Variants in ANKS1B observed in about 807,000 individuals in gnomAD.
ANKS1B encodes the protein ankyrin repeat and sterile alpha motif domain-containing protein 1B.
A neutral mutation model predicts 148.3 loss-of-function variants in ANKS1B; 36 were observed. That is an observed-to-expected ratio of 0.24 (90% CI 0.19 to 0.32). The LOEUF (loss-of-function observed/expected upper bound fraction) is 0.32, where lower values mean the gene tolerates loss of function less well. Ranked by LOEUF, ANKS1B falls within the 10% of genes least tolerant of loss-of-function variation. The pLI is 1.00. For missense variants in ANKS1B, 1,157 were observed against 1,542.6 expected (o/e 0.75, Z 4.19); for synonymous variants, 542 against 560.8 (o/e 0.97, Z 0.47).
At chr12:98,839,197 C>T (rs148399158) in intron 17 of ANKS1B, among the ~76,000 whole-genome samples, 1 of 152,194 alleles carries the variant, frequency 6.6e-6, no homozygotes, top group Non-Finnish European at 1.5e-5. Context: ...GGGACAATAA[C>T]AGTCTTATTC....
At chr12:99,470,914 A>G (rs921591790) in intron 10 of ANKS1B, among the ~76,000 whole-genome samples, 7 of 152,258 alleles carry the variant, frequency 4.6e-5, no homozygotes, top group Non-Finnish European at 7.4e-5. Flanking sequence ...ATATGAACAT[A>G]TATTTCCTTT....
chr12:99,413,933 C>A (rs747717358), intron 11 of ANKS1B, among the ~76,000 whole-genome samples: 14 of 152,206 alleles, frequency 9.2e-5, no homozygotes, highest in Middle Eastern at 6.8e-3. Flanking sequence ...CCCTCGCCCA[C>A]ACACACACCC....
intron 9 of ANKS1B, among the ~76,000 whole-genome samples, chr12:99,542,589 A>G (rs1365849655): frequency 6.6e-6 from 1 of 152,158 alleles, no homozygotes; most frequent in African/African-American, 2.4e-5. Context: ...ATATGGAAAC[A>G]GAAGGAACTC....
intron 17 of ANKS1B, among the ~76,000 whole-genome samples, chr12:98,907,626 G>A (rs967504124): frequency 1.3e-5 from 2 of 152,188 alleles, no homozygotes; most frequent in Non-Finnish European, 2.9e-5. Flanking sequence ...GGGTAGGCAA[G>A]GCAGCAGCCA....
intron 1 of ANKS1B, among the ~76,000 whole-genome samples, chr12:99,909,932 C>G (rs1255180009): frequency 6.6e-6 from 1 of 152,130 alleles, no homozygotes; most frequent in Non-Finnish European, 1.5e-5. Context: ...CAACTATAAT[C>G]ACTTAGAAAA....
At position 98,829,372 on chromosome 12, in the gene ANKS1B, T is replaced by C. The variant is rs1451323986; in HGVS notation, c.2887-19A>G. ...TGGGTTCCTGAATGGAAATACATCA[T>C]GAAATAAATACCATGTTCTGTGGCT... On this transcript the variant is annotated intron_variant, in intron 18 of 26. Transcript: ENST00000683438. The surrounding 1 kb of genome is among the most constrained non-coding windows in gnomAD (Gnocchi z 5.2). 5 of 1,609,508 alleles carry C rather than the reference T, an allele frequency of 3.1e-6. No individual in the cohort carries two copies. The highest frequency in any genetic ancestry group is 4.2e-6 in the Non-Finnish European group (5 of 1,177,406).
At chr12:99,250,928 C>A (rs1183272732) in intron 12 of ANKS1B, among the ~76,000 whole-genome samples, 1 of 152,074 alleles carries the variant, frequency 6.6e-6, no homozygotes, top group Non-Finnish European at 1.5e-5. Context: ...TTCTCACAGG[C>A]CTAGAGGCTG....
At chr12:99,612,591 T>C (rs2097912067) in intron 9 of ANKS1B, among the ~76,000 whole-genome samples, 1 of 152,108 alleles carries the variant, frequency 6.6e-6, no homozygotes, top group African/African-American at 2.4e-5. Flanking sequence ...CCAAGCACCA[T>C]GAGAGGTTCT....
At chr12:99,143,880 T>G (rs2071951439) in intron 15 of ANKS1B, among the ~76,000 whole-genome samples, 1 of 152,078 alleles carries the variant, frequency 6.6e-6, no homozygotes, top group Admixed American at 6.6e-5. Flanking sequence ...GCTCAGATCT[T>G]TCTCAGCTCA....
At chr12:98,825,890 T>C (rs2153677991) in intron 19 of ANKS1B, among the ~76,000 whole-genome samples, 1 of 152,372 alleles carries the variant, frequency 6.6e-6, no homozygotes, top group African/African-American at 2.4e-5. Flanking sequence ...CCATGTGCTG[T>C]ACACACATTA....
chr12:99,640,955 CAAT>C (rs1303720468), intron 9 of ANKS1B, among the ~76,000 whole-genome samples: 3 of 152,056 alleles, frequency 2.0e-5, no homozygotes, highest in African/African-American at 7.2e-5. Flanking sequence ...ATAATTCAAA[CAAT>C]GTTTAAGTAT....
intron 5 of ANKS1B, among the ~76,000 whole-genome samples, chr12:99,780,649 T>C (rs1036903253): frequency 6.6e-6 from 1 of 152,166 alleles, no homozygotes; most frequent in African/African-American, 2.4e-5. Context: ...AAAAATATTA[T>C]TGATTTAGAA....
At chr12:99,357,678 A>T (rs572445231) in intron 12 of ANKS1B, among the ~76,000 whole-genome samples, 1 of 152,162 alleles carries the variant, frequency 6.6e-6, no homozygotes, top group Non-Finnish European at 1.5e-5. Context: ...CACATAACAC[A>T]GTGTCTTGTC....
intron 19 of ANKS1B, among the ~76,000 whole-genome samples, chr12:98,824,657 C>T (rs1255936789): frequency 1.3e-5 from 2 of 152,276 alleles, no homozygotes; most frequent in African/African-American, 4.8e-5. Context: ...AATCAGAATT[C>T]CAACCGAAGA....
At chr12:99,552,068 G>T (rs1426790400) in intron 9 of ANKS1B, among the ~76,000 whole-genome samples, 1 of 152,080 alleles carries the variant, frequency 6.6e-6, no homozygotes, top group East Asian at 1.9e-4. Flanking sequence ...ATTTCTGCCT[G>T]GATGATCCCT....
intron 15 of ANKS1B, among the ~76,000 whole-genome samples, chr12:99,120,440 A>G (rs2062488355): frequency 6.6e-6 from 1 of 152,218 alleles, no homozygotes; most frequent in Non-Finnish European, 1.5e-5. Flanking sequence ...GAATCCACCA[A>G]TAATTAAAAA....
intron 1 of ANKS1B, among the ~76,000 whole-genome samples, chr12:99,876,260 A>C (rs537943294): frequency 8.5e-5 from 13 of 152,214 alleles, no homozygotes; most frequent in Non-Finnish European, 1.9e-4. Context: ...AAGTATGAAA[A>C]TAAACAATCC....
chr12:98,897,826 A>C (rs2099766904), intron 17 of ANKS1B, among the ~76,000 whole-genome samples: 1 of 152,234 alleles, frequency 6.6e-6, no homozygotes, highest in Non-Finnish European at 1.5e-5. Flanking sequence ...TGTGTCTATC[A>C]GTGAATGCTT....
intron 1 of ANKS1B, among the ~76,000 whole-genome samples, chr12:99,944,706 G>C (rs2095014070): frequency 6.6e-6 from 1 of 152,084 alleles, no homozygotes; most frequent in South Asian, 2.1e-4. Flanking sequence ...GTTGTTGTGA[G>C]ATTAAGAAGC....
Sources: gnomAD v4.1 joint callset for allele counts (sites outside exome capture counted in the v4.1 genomes callset) on GRCh38, gnomAD v4.1.1 for gene constraint, Gnocchi (gnomAD v3.1) non-coding constraint, MANE v1.5 for transcripts, NCBI Gene and HGNC (gene_info 2026-07-23, HGNC 2026-07-21) for gene names.